Variants in HCRTR2 observed in about 807,000 individuals in gnomAD.
The protein encoded by HCRTR2 is hypocretin receptor 2.
HCRTR2 carries 22 observed loss-of-function variants against 49.0 expected under a neutral mutation model. The observed-to-expected ratio is 0.45, with a 90% CI of 0.32 to 0.64. The LOEUF (loss-of-function observed/expected upper bound fraction) is 0.64, where lower values mean the gene tolerates loss of function less well. Ranked by LOEUF, HCRTR2 falls within the 30% of genes least tolerant of loss-of-function variation. The probability of loss-of-function intolerance (pLI) is 0.04; values close to 1 mark genes in which losing one functional copy is unlikely to be tolerated. For missense variants in HCRTR2, 491 were observed against 559.4 expected (o/e 0.88, Z 1.23); for synonymous variants, 236 against 205.3 (o/e 1.15, Z -1.28).
At chr6:55,281,062 C>A (rs116110565) in intron 6 of HCRTR2, among the ~76,000 whole-genome samples, 1 of 152,008 alleles carries the variant, frequency 6.6e-6, no homozygotes, top group Non-Finnish European at 1.5e-5. Flanking sequence ...ACATTTTGCC[C>A]GACTGACTTT....
chr6:55,108,323 A>G (rs1350962300), intron 1 of HCRTR2, among the ~76,000 whole-genome samples: 1 of 152,066 alleles, frequency 6.6e-6, no homozygotes, highest in Non-Finnish European at 1.5e-5. Context: ...TTTTGCTCCA[A>G]GAACTACCAC....
At chr6:55,123,318 G>C (rs921552094) in intron 1 of HCRTR2, among the ~76,000 whole-genome samples, 2 of 151,864 alleles carry the variant, frequency 1.3e-5, no homozygotes, top group Admixed American at 6.6e-5. Context: ...CTAGTTTATT[G>C]AGAGTTTTTA....
At chr6:55,280,229 A>G (rs1411528689) in intron 5 of HCRTR2, 94 bp from the exon 6 acceptor site, 1 of 806,992 alleles carries the variant, frequency 1.2e-6, no homozygotes, top group African/African-American at 1.7e-5. Flanking sequence ...GCAACTGAAG[A>G]GGACAGGAGT....
intron 2 of HCRTR2, among the ~76,000 whole-genome samples, chr6:55,253,014 A>T (rs1033790728): frequency 2.0e-5 from 3 of 152,088 alleles, no homozygotes; most frequent in Non-Finnish European, 4.4e-5. Context: ...TACAGATGAG[A>T]AAACTGAGGA....
intron 1 of HCRTR2, among the ~76,000 whole-genome samples, chr6:55,166,117 T>C (rs768453918): frequency 6.6e-6 from 1 of 152,118 alleles, no homozygotes; most frequent in Non-Finnish European, 1.5e-5. Flanking sequence ...GCTGATATGA[T>C]GTACCACATT....
intron 1 of HCRTR2, among the ~76,000 whole-genome samples, chr6:55,220,366 A>C (rs749983748): frequency 2.0e-5 from 3 of 152,212 alleles, no homozygotes; most frequent in Non-Finnish European, 4.4e-5. Flanking sequence ...ACTGTGACCA[A>C]GTTGAATTTA....
chr6:55,239,978 T>G (rs1179305950), intron 1 of HCRTR2, among the ~76,000 whole-genome samples: 1 of 151,922 alleles, frequency 6.6e-6, no homozygotes, highest in African/African-American at 2.4e-5. Context: ...GGTTTCGCCA[T>G]GTTGGCCAGG....
At chr6:55,162,661 T>G (rs994813509) in intron 1 of HCRTR2, among the ~76,000 whole-genome samples, 1 of 152,098 alleles carries the variant, frequency 6.6e-6, no homozygotes, top group Admixed American at 6.6e-5. Flanking sequence ...AAAATCAATG[T>G]GCAAAAATCA....
At chr6:55,178,562 C>A (rs73743283) in intron 1 of HCRTR2, among the ~76,000 whole-genome samples, 3,765 of 152,106 alleles carry the variant, frequency 0.025, 161 homozygotes, top group African/African-American at 0.085. Flanking sequence ...AATTTTTATC[C>A]CTTAATTTTC....
intron 1 of HCRTR2, among the ~76,000 whole-genome samples, chr6:55,208,747 T>C (rs1765648223): frequency 6.6e-6 from 1 of 152,210 alleles, no homozygotes; most frequent in Non-Finnish European, 1.5e-5. Flanking sequence ...AGATTACATC[T>C]GTAATGTAAT....
chr6:55,106,589 CAA>C (rs1282560953), intron 1 of HCRTR2: 2 of 151,954 alleles, frequency 1.3e-5, no homozygotes, highest in African/African-American at 4.8e-5. Flanking sequence ...TCTATTTATT[CAA>C]GTCAATTCAA....
At chr6:55,177,714 G>C (rs1765065124) in intron 1 of HCRTR2, among the ~76,000 whole-genome samples, 1 of 152,036 alleles carries the variant, frequency 6.6e-6, no homozygotes, top group Non-Finnish European at 1.5e-5. Flanking sequence ...GATGTAATAG[G>C]ATATGCTGTG....
At chr6:55,159,291 C>CAAAAAT in intron 1 of HCRTR2, among the ~76,000 whole-genome samples, 1 of 151,876 alleles carries the variant, frequency 6.6e-6, no homozygotes, top group Non-Finnish European at 1.5e-5. Flanking sequence ...AAAACAAAAA[C>CAAAAAT]AAAAACAAAA....
chr6:55,240,210 T>A (rs1398774892), intron 1 of HCRTR2, among the ~76,000 whole-genome samples: 1 of 151,364 alleles, frequency 6.6e-6, no homozygotes, highest in Non-Finnish European at 1.5e-5. Context: ...ACAAAAAAAT[T>A]AGCCAGGCGC....
intron 1 of HCRTR2, among the ~76,000 whole-genome samples, chr6:55,125,518 C>T (rs918743583): frequency 2.0e-5 from 3 of 152,070 alleles, no homozygotes; most frequent in South Asian, 2.1e-4. Flanking sequence ...GTGGGTAACC[C>T]GACCTTTCTC....
chr6:55,274,357 A>G (rs1461902738), intron 4 of HCRTR2, among the ~76,000 whole-genome samples: 1 of 148,780 alleles, frequency 6.7e-6, no homozygotes, highest in Admixed American at 6.8e-5. Context: ...TATGAAATGT[A>G]TGCCTAAAAC....
chr6:55,155,676 A>T (rs1167762094), intron 1 of HCRTR2, among the ~76,000 whole-genome samples: 1 of 152,060 alleles, frequency 6.6e-6, no homozygotes, highest in African/African-American at 2.4e-5. Flanking sequence ...TTCTACATGC[A>T]TAATGTTAAT....
At chr6:55,187,553 C>T (rs1384055037) in intron 1 of HCRTR2, among the ~76,000 whole-genome samples, 1 of 150,132 alleles carries the variant, frequency 6.7e-6, no homozygotes, top group Non-Finnish European at 1.5e-5. Flanking sequence ...CAGTAATGAA[C>T]AAAATTTACA....
At chr6:55,111,435 A>G (rs72978538) in intron 1 of HCRTR2, among the ~76,000 whole-genome samples, 3,231 of 152,040 alleles carry the variant, frequency 0.021, 52 homozygotes, top group Non-Finnish European at 0.036. Flanking sequence ...AAGAGAGACG[A>G]TCCAAAGCTA....
Sources: allele counts gnomAD v4.1 joint callset (sites outside exome capture counted in the v4.1 genomes callset), GRCh38; gene constraint gnomAD v4.1.1; transcripts MANE v1.5; gene names NCBI Gene and HGNC (gene_info 2026-07-23, HGNC 2026-07-21).